The following CNOT6L variants were observed in gnomAD, a reference collection of about 807,000 sequenced individuals.
CNOT6L encodes the protein CCR4-NOT transcription complex subunit 6-like.
A neutral mutation model predicts 64.0 loss-of-function variants in CNOT6L; 7 were observed. The ratio of observed to expected loss-of-function variants is 0.11; its 90% CI spans 0.06 to 0.21. The LOEUF (loss-of-function observed/expected upper bound fraction) is 0.21, where lower values mean the gene tolerates loss of function less well. Among genes scored for constraint, CNOT6L ranks in the 10% least tolerant of loss-of-function variants. The pLI, the probability that CNOT6L is intolerant of heterozygous loss-of-function variation, is 1.00. For missense variants in CNOT6L, 245 were observed against 669.0 expected, an observed-to-expected ratio of 0.37 and a Z score of 6.99; for synonymous variants, 193 against 243.4, an observed-to-expected ratio of 0.79 and a Z score of 1.93.
intron 9 of CNOT6L, 29 bp from the exon 10 acceptor site, chr4:77,729,110 A>G (rs1259229194): frequency 1.3e-6 from 2 of 1,546,666 alleles, no homozygotes; most frequent in South Asian, 2.2e-5. Context: ...AAAAGAAGAC[A>G]AAGTTATGCT....
At chr4:77,761,366 T>C (rs1726207924) in intron 4 of CNOT6L, among the ~76,000 whole-genome samples, 1 of 152,158 alleles carries the variant, frequency 6.6e-6, no homozygotes, top group African/African-American at 2.4e-5. Flanking sequence ...AGGATAACCT[T>C]AATGACCTGT....
upstream of CNOT6L, chr4:77,819,455 A>G (rs1578021383): frequency 5.8e-6 from 8 of 1,388,038 alleles, no homozygotes; most frequent in Non-Finnish European, 7.7e-6. Context: ...AAACACAAAC[A>G]CCCACGGCGG....
chr4:77,790,167 C>A (rs1231403641), intron 1 of CNOT6L, among the ~76,000 whole-genome samples: 1 of 151,984 alleles, frequency 6.6e-6, no homozygotes, highest in African/African-American at 2.4e-5. Context: ...GGTGTGTAGT[C>A]TTTTCAGATT....
intron 1 of CNOT6L, among the ~76,000 whole-genome samples, chr4:77,816,575 T>C (rs1560443887): frequency 6.6e-6 from 1 of 152,176 alleles, no homozygotes; most frequent in Non-Finnish European, 1.5e-5. Context: ...CTCCCCATCC[T>C]GTGACTCTTA....
chr4:77,729,216 C>T, intron 9 of CNOT6L, 135 bp from the exon 10 acceptor site: 1 of 656,798 alleles, frequency 1.5e-6, no homozygotes, highest in Non-Finnish European at 2.7e-6. Context: ...TCCCTTTTAT[C>T]TCATAAAGTA....
chr4:77,750,341 A>C (rs1284038829), intron 5 of CNOT6L, among the ~76,000 whole-genome samples: 2 of 152,100 alleles, frequency 1.3e-5, no homozygotes, highest in Non-Finnish European at 2.9e-5. Flanking sequence ...TTCATGTGAG[A>C]CATGCATTTA....
intron 4 of CNOT6L, among the ~76,000 whole-genome samples, chr4:77,770,915 A>C (rs1727465657): frequency 6.6e-6 from 1 of 152,220 alleles, no homozygotes; most frequent in South Asian, 2.1e-4. Flanking sequence ...AATTTTCTGG[A>C]AACATGCTTG....
intron 5 of CNOT6L, among the ~76,000 whole-genome samples, chr4:77,751,928 T>C (rs769828786): frequency 7.9e-5 from 12 of 152,166 alleles, no homozygotes; most frequent in Non-Finnish European, 1.6e-4. Flanking sequence ...TCCCAGCACC[T>C]TGGAAGGCTG....
chr4:77,725,494 G>A (rs1721747667), intron 11 of CNOT6L, among the ~76,000 whole-genome samples: 1 of 152,150 alleles, frequency 6.6e-6, no homozygotes, highest in Admixed American at 6.5e-5. Context: ...ATTACATAAA[G>A]CCACCACAAT....
chr4:77,733,882 C>T (rs906232439), intron 8 of CNOT6L, among the ~76,000 whole-genome samples: 1 of 151,990 alleles, frequency 6.6e-6, no homozygotes, highest in Non-Finnish European at 1.5e-5. Context: ...GGAAAAGAAA[C>T]GATCAGTTAC....
intron 4 of CNOT6L, among the ~76,000 whole-genome samples, chr4:77,762,379 G>C (rs1056297870): frequency 6.6e-6 from 1 of 151,754 alleles, no homozygotes; most frequent in Non-Finnish European, 1.5e-5. Flanking sequence ...TAGAACAATG[G>C]GACAGAATAG....
At chr4:77,727,089 GGATT>G (rs779416642) in intron 10 of CNOT6L, among the ~76,000 whole-genome samples, 7 of 152,128 alleles carry the variant, frequency 4.6e-5, no homozygotes, top group South Asian at 2.1e-4. Context: ...TTTGTAATAA[GGATT>G]GATAGTAAGA....
At chr4:77,796,593 T>C (rs867843590) in intron 1 of CNOT6L, among the ~76,000 whole-genome samples, 9 of 152,270 alleles carry the variant, frequency 5.9e-5, no homozygotes, top group African/African-American at 1.9e-4. Flanking sequence ...CAATTAAACT[T>C]CTTTTCTTCA....
At chr4:77,768,473 AAATATATATAT>A (rs1560412311) in intron 4 of CNOT6L, among the ~76,000 whole-genome samples, 5 of 4,210 alleles carry the variant, frequency 1.2e-3, no homozygotes, top group African/African-American at 2.2e-3. Flanking sequence ...TAAAATAAAT[AAATATATATAT>A]ATATATATAT....
At chr4:77,724,767 G>A (rs767082657) in intron 11 of CNOT6L, among the ~76,000 whole-genome samples, 2 of 151,982 alleles carry the variant, frequency 1.3e-5, no homozygotes, top group Non-Finnish European at 2.9e-5. Context: ...TTTATCACAG[G>A]TTTTCTGGGT....
intron 1 of CNOT6L, among the ~76,000 whole-genome samples, chr4:77,789,779 T>C (rs1032269236): frequency 6.6e-6 from 1 of 151,808 alleles, no homozygotes; most frequent in African/African-American, 2.4e-5. Context: ...GGCAAAACCC[T>C]GTCTCTACAA....
rs1045119993 is a variant in CNOT6L at position 77,715,802 on chromosome 4, C to G, written c.*4629G>C. 1.3e-5 allele frequency: 2 copies of G among 152,432 alleles called. No homozygotes were observed. The highest frequency in any genetic ancestry group is 2.9e-5 in the Non-Finnish European group (2 of 67,972). The allele number at this position is 152,432 out of a possible 1,614,324, so 9.4% of individuals were successfully genotyped here. A position where few individuals can be genotyped will look rare whatever the true frequency, so the allele number is the denominator to read the frequency against. ...TTTAGGTGACACTTATAAAGGTGAG[C>G]ATATCATTCTATAAAATGAAAGATG... On this transcript the variant is annotated 3_prime_UTR_variant, in exon 12 of 12. Transcript: ENST00000504123.
intron 4 of CNOT6L, among the ~76,000 whole-genome samples, chr4:77,765,327 A>G (rs1470877050): frequency 6.6e-6 from 1 of 151,950 alleles, no homozygotes; most frequent in East Asian, 1.9e-4. Flanking sequence ...TGGAGTAGCC[A>G]TTCTTTTATT....
chr4:77,727,738 A>G (rs2109878161), intron 10 of CNOT6L, among the ~76,000 whole-genome samples: 1 of 152,288 alleles, frequency 6.6e-6, no homozygotes, highest in Admixed American at 6.5e-5. Flanking sequence ...ATCAAATACA[A>G]TGGGAGAAAA....
Sources: allele counts gnomAD v4.1 joint callset (sites outside exome capture counted in the v4.1 genomes callset), GRCh38; gene constraint gnomAD v4.1.1; transcripts MANE v1.5; gene names NCBI Gene and HGNC (gene_info 2026-07-23, HGNC 2026-07-21).